The following TCF7L2 variants were observed in gnomAD, a reference collection of about 807,000 sequenced individuals.
TCF7L2 encodes transcription factor 7-like 2.
Under a neutral mutation model 77.9 loss-of-function variants are expected in TCF7L2, and 23 were observed. The ratio of observed to expected loss-of-function variants is 0.30; its 90% confidence interval spans 0.21 to 0.42. The LOEUF is 0.42. Among genes scored for constraint, TCF7L2 ranks in the 10% least tolerant of loss-of-function variants. The pLI is 1.00. For synonymous variants in TCF7L2, 413 were observed against 340.2 expected, an observed-to-expected ratio of 1.21 and a Z score of -2.36; for missense variants, 654 against 793.1, an observed-to-expected ratio of 0.82 and a Z score of 2.11.
chr10:113,165,593 G>T lies in TCF7L2; in HGVS notation c.1430G>T (p.Gly477Val), dbSNP rs1485862151. 2 of 1,613,876 alleles carry T rather than the reference G, an allele frequency of 1.2e-6. No homozygotes were observed. The highest frequency in any genetic ancestry group is 1.7e-5 in the Admixed American group (1 of 60,010). The change falls in exon 14 of 14, where the codon GGC becomes GTC. Residue 477 changes from glycine to valine, a missense_variant. Transcript: ENST00000627217. ...TGCGTTCGCTACATACAAGGTGAAG[G>T]CAGCTGCCTCAGCCCACCCTCTTCA...
rs1401184094 is a variant in TCF7L2 at position 113,144,787 on chromosome 10, TA to T, written c.788+769del. ...GATTATTTGACTAACTTTTGCAACT[TA>T]AAAAAACTGTGTTTTAAATTCAGAG... is the stretch of plus-strand genomic sequence containing the variant. On this transcript the variant is annotated intron_variant, in intron 7 of 13. Transcript: ENST00000627217. 3.3e-5 allele frequency among the ~76,000 whole-genome samples: 5 copies of T among 152,280 alleles called. No individual in the cohort carries two copies. In the East Asian group the frequency reaches 9.6e-4, roughly 29 times the overall value.
chr10:113,126,841 G>A, intron 5 of TCF7L2: 1 of 987,284 alleles, frequency 1.0e-6, no homozygotes, highest in Non-Finnish European at 1.2e-6. Flanking sequence ...ATGCCCGCGA[G>A]CCGGCAGCGG....
Position 113,151,498 on chromosome 10 carries a change from A to G in TCF7L2, c.1002-227A>G, listed in dbSNP as rs897287873. Among the ~76,000 whole-genome samples, 1 of 152,090 alleles carries G rather than the reference A, an allele frequency of 6.6e-6. No homozygotes were observed. The highest frequency in any genetic ancestry group is 2.4e-5 in the African/African-American group (1 of 41,406). ...TTCCCCTCTGGCTTGGGAAAATTGT[A>G]TATTTGTGAAACTTGAGGAAGTGAT... On this transcript the variant is annotated intron_variant, in intron 9 of 13. Coordinates refer to ENST00000627217, the MANE Select transcript of TCF7L2 (RefSeq NM_001146274.2). This position sits in a 1 kb window ranked among gnomAD's most constrained non-coding sequence, Gnocchi z 5.2.
chr10:113,161,034 A>G (rs1418114096), intron 13 of TCF7L2, among the ~76,000 whole-genome samples: 1 of 152,208 alleles, frequency 6.6e-6, no homozygotes, highest in Non-Finnish European at 1.5e-5. Flanking sequence ...GGTACTGAGC[A>G]CAGAGAGCCA....
At position 113,146,059 on chromosome 10, in the gene TCF7L2, C is replaced by T. The variant is rs2069334788; in HGVS notation, c.837C>T (p.Pro279=). The stretch of plus-strand genomic sequence containing the variant: ...TCACGACAGGAGGATTCAGACACCC[C>T]TACCCCACAGCTCTGACCGTCAATG... Residue 279 remains proline (P), a synonymous_variant, in exon 8 of 14, where the codon CCC becomes CCT. Transcript: ENST00000627217. 4 of 1,613,664 alleles carry T rather than the reference C, an allele frequency of 2.5e-6. No individual in the cohort carries two copies. Among genetic ancestry groups the T allele is most frequent in the Non-Finnish European group, 3.4e-6 (4 of 1,179,912 alleles).
At chr10:113,087,967 C>A (rs2060000028) in intron 5 of TCF7L2, among the ~76,000 whole-genome samples, 1 of 152,146 alleles carries the variant, frequency 6.6e-6, no homozygotes, top group Non-Finnish European at 1.5e-5. Context: ...TTTCCAGAGT[C>A]TTGCATACCC....
chr10:113,143,187 C>T (rs1360170724), intron 6 of TCF7L2, among the ~76,000 whole-genome samples: 3 of 152,226 alleles, frequency 2.0e-5, no homozygotes, highest in South Asian at 2.1e-4. Flanking sequence ...TTGCAGAATC[C>T]GCTCATGTGT....
intron 3 of TCF7L2, among the ~76,000 whole-genome samples, chr10:112,961,453 G>T (rs2035213722): frequency 6.6e-6 from 1 of 152,134 alleles, no homozygotes; most frequent in South Asian, 2.1e-4. Flanking sequence ...AGAGAGAAAT[G>T]ATTGTTCCAG....
At chr10:113,118,118 T>G (rs1279728295) in intron 5 of TCF7L2, among the ~76,000 whole-genome samples, 1 of 152,150 alleles carries the variant, frequency 6.6e-6, no homozygotes, top group Non-Finnish European at 1.5e-5. Context: ...GGGTCGAGAA[T>G]TTACTGGTGG....
intron 5 of TCF7L2, among the ~76,000 whole-genome samples, chr10:113,070,036 T>A (rs919212201): frequency 1.3e-5 from 2 of 151,850 alleles, no homozygotes; most frequent in African/African-American, 4.8e-5. Context: ...GGCGGGTGGA[T>A]CATGAGGTCA....
rs2063970171 is a variant in TCF7L2, at chr10:113,117,432, TCC to T, written c.553-23750_553-23749del. 4.0e-4 allele frequency among the ~76,000 whole-genome samples: 13 copies of T among 32,440 alleles called. 3 individuals are homozygous for T. Among genetic ancestry groups the T allele is most frequent in the East Asian group, 2.1e-3 (3 of 1,460 alleles). 21.3% of individuals were successfully genotyped at this position (32,440 alleles called of 152,430 possible). A position where few individuals can be genotyped will look rare whatever the true frequency, so the allele number is the denominator to read the frequency against. On this transcript the variant is annotated intron_variant, in intron 5 of 13. Transcript: ENST00000627217. ...CTCTCTCTCTCTCTCTCTCTCTCTC[TCC>T]CTCTCTCTCTCTCTCTCTCTCTCTT...
At chr10:113,165,053 A>ACACACT (rs759211873) in intron 13 of TCF7L2, among the ~76,000 whole-genome samples, 4 of 152,066 alleles carry the variant, frequency 2.6e-5, no homozygotes, top group Non-Finnish European at 5.9e-5. Context: ...TTAAACACAC[A>ACACACT]CACACTCACA....
chr10:113,141,436 G>C (rs1370411409), intron 6 of TCF7L2, 120 bp downstream of exon 6: 2 of 938,744 alleles, frequency 2.1e-6, no homozygotes, highest in East Asian at 2.5e-5. Flanking sequence ...GAACGGTGGT[G>C]GGGGGGCCCC....
chr10:113,025,167 C>T (rs180726800), intron 4 of TCF7L2, among the ~76,000 whole-genome samples: 2,100 of 151,618 alleles, frequency 0.014, 22 homozygotes, highest in Middle Eastern at 0.021. Flanking sequence ...AAGTGATCCT[C>T]CCATCTCAGC....
At chr10:112,953,811 T>C (rs2032738303) in intron 3 of TCF7L2, among the ~76,000 whole-genome samples, 1 of 152,238 alleles carries the variant, frequency 6.6e-6, no homozygotes, top group East Asian at 1.9e-4. Context: ...CGTCTAGTTA[T>C]TTTAATTGTG....
intron 5 of TCF7L2, among the ~76,000 whole-genome samples, chr10:113,098,049 C>CAAAAAAAA (rs34632183): frequency 6.7e-5 from 4 of 59,362 alleles, no homozygotes; most frequent in Non-Finnish European, 9.3e-5. Context: ...GACTCTGTCT[C>CAAAAAAAA]AAAAAAAAAA....
chr10:113,140,061 G>T (rs1410708417), intron 5 of TCF7L2, among the ~76,000 whole-genome samples: 2 of 152,014 alleles, frequency 1.3e-5, no homozygotes, highest in Non-Finnish European at 2.9e-5. Context: ...CTTTATCTTC[G>T]CTGGTACCTA....
At chr10:113,042,203 G>T (rs2052577016) in intron 5 of TCF7L2, among the ~76,000 whole-genome samples, 1 of 152,234 alleles carries the variant, frequency 6.6e-6, no homozygotes, top group Non-Finnish European at 1.5e-5. Context: ...CAGAGCCTGT[G>T]TGGATTTTGG....
chr10:113,021,637 C>A (rs74446821), intron 4 of TCF7L2, among the ~76,000 whole-genome samples: 4,915 of 152,218 alleles, frequency 0.032, 236 homozygotes, highest in African/African-American at 0.11. Context: ...GTTAAGTAAC[C>A]CCCCCAGGGT....
Sources: allele counts gnomAD v4.1 joint callset (sites outside exome capture counted in the v4.1 genomes callset), GRCh38; gene constraint gnomAD v4.1.1; non-coding constraint Gnocchi (gnomAD v3.1); transcripts MANE v1.5; gene names NCBI Gene and HGNC (gene_info 2026-07-23, HGNC 2026-07-21).